TMEM117: variants seen among roughly 807,000 people sequenced by gnomAD.
TMEM117 encodes transmembrane protein 117.
In TMEM117, 27 loss-of-function variants were observed where a neutral mutation model predicts 52.4. The observed-to-expected ratio is 0.51, with a 90% confidence interval of 0.38 to 0.71. The LOEUF (loss-of-function observed/expected upper bound fraction) is 0.71, where lower values mean the gene tolerates loss of function less well. Ranked by LOEUF, TMEM117 falls within the 30% of genes least tolerant of loss-of-function variation. The probability of loss-of-function intolerance (pLI) is 0.00; values close to 1 mark genes in which losing one functional copy is unlikely to be tolerated. For synonymous variants in TMEM117, 215 were observed against 206.3 expected (o/e 1.04, Z -0.36); for missense variants, 556 against 630.5 (o/e 0.88, Z 1.26).
chr12:43,948,637 C>G (rs1009713421), intron 3 of TMEM117, among the ~76,000 whole-genome samples: 5 of 152,106 alleles, frequency 3.3e-5, no homozygotes, highest in Non-Finnish European at 7.4e-5. Flanking sequence ...GTTGAGGGTT[C>G]TGCTGAGGAG....
chr12:43,858,663 G>A (rs944767740), intron 2 of TMEM117, among the ~76,000 whole-genome samples: 1 of 152,198 alleles, frequency 6.6e-6, no homozygotes, highest in Non-Finnish European at 1.5e-5. Flanking sequence ...TACTTTGTGT[G>A]TCGTTGAGGA....
intron 5 of TMEM117, among the ~76,000 whole-genome samples, chr12:44,266,815 A>G (rs1352325696): frequency 1.3e-5 from 2 of 152,044 alleles, no homozygotes; most frequent in Admixed American, 6.6e-5. Flanking sequence ...ATCTAACTTC[A>G]TTATTTTGCA....
At chr12:43,849,225 A>C (rs1943263765) in intron 2 of TMEM117, among the ~76,000 whole-genome samples, 1 of 152,204 alleles carries the variant, frequency 6.6e-6, no homozygotes, top group African/African-American at 2.4e-5. Flanking sequence ...AAATGGATGG[A>C]GAGTGCTGGG....
rs368547162 is a variant in TMEM117 at position 44,309,330 on chromosome 12, G to A, written c.768+9591G>A. Among the ~76,000 whole-genome samples the A allele has an allele frequency of 1.8e-4, 28 of 152,238 alleles. No individual in the cohort carries two copies. In the South Asian group the frequency reaches 5.6e-3, roughly 31 times the overall value. ...CTGAACCTCTACCCACTACCCCAAC[G>A]GGCAGTTTCTAAGTCAAGGTTTATT... On this transcript the variant is annotated intron_variant, in intron 6 of 7. Coordinates refer to ENST00000266534, the MANE Select transcript of TMEM117 (RefSeq NM_032256.3).
chr12:43,871,498 G>C (rs887129167), intron 2 of TMEM117, among the ~76,000 whole-genome samples: 22 of 152,146 alleles, frequency 1.4e-4, no homozygotes, highest in African/African-American at 5.1e-4. Flanking sequence ...GTGATCTTGA[G>C]CTTTTTTCCT....
At chr12:44,223,119 GTTT>G (rs1323709739) in intron 5 of TMEM117, among the ~76,000 whole-genome samples, 214 of 151,384 alleles carry the variant, frequency 1.4e-3, no homozygotes, top group African/African-American at 5.0e-3. Context: ...GTGTCATGGG[GTTT>G]GTTGTACAGA....
At chr12:43,809,990 A>G in the TMEM117 span, among the ~76,000 whole-genome samples, 3 of 152,240 alleles carry the variant, frequency 2.0e-5, no homozygotes, top group Non-Finnish European at 4.4e-5. Context: ...CAAGCAAATG[A>G]TATTTCTTTA....
chr12:44,270,542 C>T (rs533310524), intron 5 of TMEM117, among the ~76,000 whole-genome samples: 7 of 152,156 alleles, frequency 4.6e-5, no homozygotes, highest in Non-Finnish European at 1.0e-4. Context: ...TCCAGGTATA[C>T]GATCATATCA....
downstream of TMEM117, among the ~76,000 whole-genome samples, chr12:44,390,369 A>G (rs1952155307): frequency 6.6e-6 from 1 of 152,122 alleles, no homozygotes; most frequent in Non-Finnish European, 1.5e-5. Flanking sequence ...TAGCTCTGGG[A>G]CATGTAAATA....
chr12:44,291,366 T>A (rs578230869), intron 5 of TMEM117, among the ~76,000 whole-genome samples: 23 of 150,836 alleles, frequency 1.5e-4, no homozygotes, highest in African/African-American at 5.4e-4. Context: ...TGTTTATTAG[T>A]TCTAACAGTT....
At chr12:44,049,158 C>A (rs1946926793) in intron 3 of TMEM117, among the ~76,000 whole-genome samples, 1 of 152,110 alleles carries the variant, frequency 6.6e-6, no homozygotes, top group African/African-American at 2.4e-5. Flanking sequence ...AGTCACAGAA[C>A]CAACCCAAAT....
chr12:44,146,452 A>T (rs956984473), intron 4 of TMEM117, among the ~76,000 whole-genome samples: 1 of 152,230 alleles, frequency 6.6e-6, no homozygotes, highest in African/African-American at 2.4e-5. Context: ...CCTTTCTGTA[A>T]GCTGGAAGAG....
intron 4 of TMEM117, among the ~76,000 whole-genome samples, chr12:44,189,321 G>A (rs184263946): frequency 2.0e-5 from 3 of 152,134 alleles, no homozygotes; most frequent in Admixed American, 1.3e-4. Flanking sequence ...TTAATCCAGT[G>A]TTACTGCAGA....
chr12:43,967,703 C>T (rs1184643302), intron 3 of TMEM117, among the ~76,000 whole-genome samples: 6 of 152,196 alleles, frequency 3.9e-5, no homozygotes, highest in African/African-American at 1.4e-4. Flanking sequence ...GAGAGATCCT[C>T]AGCCAGAGGA....
At chr12:43,845,753 T>C (rs116608528) in intron 2 of TMEM117, among the ~76,000 whole-genome samples, 5,662 of 151,552 alleles carry the variant, frequency 0.037, 266 homozygotes, top group African/African-American at 0.1. Context: ...CCAAGTGTTG[T>C]CATTGTTCAG....
chr12:43,901,100 A>G (rs928920382), intron 2 of TMEM117, among the ~76,000 whole-genome samples: 10 of 152,146 alleles, frequency 6.6e-5, no homozygotes, highest in African/African-American at 2.4e-4. Flanking sequence ...ATAAATGTCT[A>G]ATTTTTTTGG....
At chr12:44,014,471 C>T (rs1322096525) in intron 3 of TMEM117, among the ~76,000 whole-genome samples, 1 of 152,156 alleles carries the variant, frequency 6.6e-6, no homozygotes, top group African/African-American at 2.4e-5. Flanking sequence ...GGGGTATGTC[C>T]TGAGAATTTC....
At chr12:44,012,248 T>A (rs1946304159) in intron 3 of TMEM117, among the ~76,000 whole-genome samples, 2 of 152,150 alleles carry the variant, frequency 1.3e-5, no homozygotes, top group Non-Finnish European at 1.5e-5. Context: ...TTCTGCAGTT[T>A]GAATACAATT....
At chr12:44,386,045 C>T (rs1347340834) in intron 7 of TMEM117, among the ~76,000 whole-genome samples, 1 of 152,092 alleles carries the variant, frequency 6.6e-6, no homozygotes, top group Admixed American at 6.6e-5. Context: ...TGAATTGTTC[C>T]GTCCTCAAAA....
Sources: allele counts gnomAD v4.1 joint callset (sites outside exome capture counted in the v4.1 genomes callset), GRCh38; gene constraint gnomAD v4.1.1; transcripts MANE v1.5; gene names NCBI Gene and HGNC (gene_info 2026-07-23, HGNC 2026-07-21).